Variants in HEATR5A observed in about 807,000 individuals in gnomAD.
HEATR5A encodes the protein HEAT repeat-containing protein 5A.
HEATR5A carries 178 observed loss-of-function variants against 218.8 expected under a neutral mutation model. That is an observed-to-expected ratio of 0.81 (90% CI 0.72 to 0.92). The LOEUF is 0.92. Among genes scored for constraint, HEATR5A ranks in the 40% least tolerant of loss-of-function variants. The pLI, the probability that HEATR5A is intolerant of heterozygous loss-of-function variation, is 0.00. For synonymous variants in HEATR5A, 864 were observed against 871.6 expected (o/e 0.99, Z 0.15); for missense variants, 2,420 against 2,418.9 (o/e 1.00, Z -0.01).
intron 12 of HEATR5A, among the ~76,000 whole-genome samples, chr14:31,374,408 C>T (rs1902151150): frequency 6.6e-6 from 1 of 151,776 alleles, no homozygotes. Context: ...AAAAGCTAGA[C>T]ACAGATTTTT....
At chr14:31,353,902 C>G (rs1008511896) in intron 16 of HEATR5A, among the ~76,000 whole-genome samples, 2 of 151,966 alleles carry the variant, frequency 1.3e-5, no homozygotes, top group Admixed American at 6.6e-5. Flanking sequence ...CAGGTTCATG[C>G]CATTCTTGTG....
At chr14:31,359,959 C>T (rs1460819734) in intron 14 of HEATR5A, among the ~76,000 whole-genome samples, 1 of 151,312 alleles carries the variant, frequency 6.6e-6, no homozygotes, top group Non-Finnish European at 1.5e-5. Context: ...CTAGGCAGCA[C>T]ATCATTTCAT....
At chr14:31,303,059 C>T (rs969361881) in intron 32 of HEATR5A, among the ~76,000 whole-genome samples, 3 of 151,474 alleles carry the variant, frequency 2.0e-5, no homozygotes, top group African/African-American at 7.3e-5. Flanking sequence ...CTGCAGTGAG[C>T]TGAGATTCTA....
intron 1 of HEATR5A, among the ~76,000 whole-genome samples, chr14:31,410,738 A>T (rs940082956): frequency 6.6e-6 from 1 of 152,194 alleles, no homozygotes; most frequent in Non-Finnish European, 1.5e-5. Flanking sequence ...TCTTGTCTGT[A>T]TCAATTCCAT....
chr14:31,418,795 A>G (rs2031541799), intron 1 of HEATR5A, among the ~76,000 whole-genome samples: 2 of 152,228 alleles, frequency 1.3e-5, no homozygotes, highest in Admixed American at 1.3e-4. Context: ...TTAATTCAGA[A>G]TAATTTTAGA....
In HEATR5A at chr14:31,349,844, G is replaced by C; in HGVS notation, c.2653C>G (p.Gln885Glu). 6.2e-7 allele frequency: 1 copy of C among 1,613,024 alleles called. No homozygotes were observed. Among genetic ancestry groups the C allele is most frequent in the Non-Finnish European group, 8.5e-7 (1 of 1,179,194 alleles). The change falls in exon 18 of 36, where the codon CAA becomes GAA. Residue 885 changes from glutamine (Q) to glutamate (E), a missense_variant. Physicochemically the swap from Gln to Glu is conservative, Grantham distance 29 (BLOSUM62 2). Coordinates refer to ENST00000543095, the MANE Select transcript of HEATR5A (RefSeq NM_015473.4). ...GTAAAAGCTCCATCATCTACCACTTGGGCTAATCTAGCCCATGACTCTGCA... is the reference window on the plus strand; with the variant it reads ...GTAAAAGCTCCATCATCTACCACTTCGGCTAATCTAGCCCATGACTCTGCA... ...AAAESWARLA[Q>E]VVDDGAFTAG... is the part of the protein sequence containing the mutation.
At chr14:31,408,493 G>A (rs1024644489) in intron 1 of HEATR5A, among the ~76,000 whole-genome samples, 5 of 151,966 alleles carry the variant, frequency 3.3e-5, no homozygotes, top group African/African-American at 1.2e-4. Context: ...ACTCCCTTTT[G>A]CTGATAAGAA....
At chr14:31,401,227 G>A (rs942267074) in intron 2 of HEATR5A, among the ~76,000 whole-genome samples, 4 of 152,046 alleles carry the variant, frequency 2.6e-5, no homozygotes, top group Admixed American at 6.6e-5. Context: ...TTCAGGGGAG[G>A]GGCCTGCTAG....
At chr14:31,395,163 A>G in intron 5 of HEATR5A, 36 bp downstream of exon 5, 4 of 1,385,134 alleles carry the variant, frequency 2.9e-6, no homozygotes, top group South Asian at 1.5e-5. Context: ...TTTTCTTTAT[A>G]TTAATTTTTA....
At chr14:31,327,930 G>C (rs545143212) in intron 22 of HEATR5A, among the ~76,000 whole-genome samples, 28 of 152,094 alleles carry the variant, frequency 1.8e-4, no homozygotes, top group Non-Finnish European at 4.0e-4. Context: ...AGATTTGAAA[G>C]GTTATATTAT....
intron 13 of HEATR5A, among the ~76,000 whole-genome samples, chr14:31,367,941 T>G (rs1237893908): frequency 1.3e-5 from 2 of 152,100 alleles, no homozygotes; most frequent in African/African-American, 4.8e-5. Flanking sequence ...AAGTATGGAT[T>G]TTTTTAGTAA....
chr14:31,315,490 A>C (rs1899884847), intron 27 of HEATR5A, among the ~76,000 whole-genome samples: 1 of 152,214 alleles, frequency 6.6e-6, no homozygotes, highest in Non-Finnish European at 1.5e-5. Flanking sequence ...AATTTCCAAT[A>C]ATTCAGGATT....
intron 22 of HEATR5A, among the ~76,000 whole-genome samples, chr14:31,332,633 G>A (rs1388442161): frequency 3.9e-5 from 6 of 152,128 alleles, no homozygotes; most frequent in Admixed American, 3.9e-4. Context: ...CTACTCCAGT[G>A]AACACACAAA....
intron 1 of HEATR5A, among the ~76,000 whole-genome samples, chr14:31,410,674 G>A (rs1458877556): frequency 7.9e-5 from 12 of 152,170 alleles, no homozygotes; most frequent in African/African-American, 2.4e-4. Flanking sequence ...TAAGAAGCAA[G>A]TCATTTATAA....
At chr14:31,306,910 A>C (rs368393016) in intron 30 of HEATR5A, 31 bp from the exon 31 acceptor site, 1 of 1,505,644 alleles carries the variant, frequency 6.6e-7, no homozygotes, top group African/African-American at 1.4e-5. Context: ...AGGACACTGT[A>C]TTAGAAATTA....
intron 22 of HEATR5A, among the ~76,000 whole-genome samples, chr14:31,329,662 GCA>G (rs1302202486): frequency 2.6e-5 from 4 of 152,134 alleles, no homozygotes; most frequent in African/African-American, 9.7e-5. Flanking sequence ...TTTTTCAGGC[GCA>G]CAGTGTAAGC....
intron 34 of HEATR5A, among the ~76,000 whole-genome samples, chr14:31,294,960 G>A (rs573262134): frequency 6.6e-6 from 1 of 152,104 alleles, no homozygotes; most frequent in East Asian, 1.9e-4. Flanking sequence ...GCAGGCAACA[G>A]GACAGACGAT....
At position 31,318,115 on chromosome 14, in the gene HEATR5A, C is replaced by T. The variant is rs1390576464; in HGVS notation, c.4038+109G>A. 4 of 854,214 alleles carry T rather than the reference C, an allele frequency of 4.7e-6. No homozygotes were observed. In the East Asian group the frequency reaches 9.8e-5, roughly 21 times the overall value. The allele number at this position is 854,214 out of a possible 1,614,324, so 52.9% of individuals were successfully genotyped here. On this transcript the variant is annotated intron_variant, in intron 26 of 35. Transcript: ENST00000543095. Reference sequence around the variant, plus strand: ...GTAAGTTTAAGAAGAAAAGTGTAAGCTATGATTGACGGTAAGACAACCATA... The same window carrying T: ...GTAAGTTTAAGAAGAAAAGTGTAAGTTATGATTGACGGTAAGACAACCATA...
At chr14:31,405,703 A>G (rs980799874) in intron 1 of HEATR5A, among the ~76,000 whole-genome samples, 6 of 152,240 alleles carry the variant, frequency 3.9e-5, no homozygotes, top group Non-Finnish European at 7.3e-5. Context: ...ACAGTATCAT[A>G]GAGAAAATTT....
Sources: gnomAD v4.1 joint callset for allele counts (sites outside exome capture counted in the v4.1 genomes callset) on GRCh38, gnomAD v4.1.1 for gene constraint, MANE v1.5 for transcripts, NCBI Gene and HGNC (gene_info 2026-07-23, HGNC 2026-07-21) for gene names.